The following MAGI1 variants were observed in gnomAD, a reference collection of about 807,000 sequenced individuals.
MAGI1 encodes membrane associated guanylate kinase, WW and PDZ domain containing 1, also known as membrane-associated guanylate kinase, WW and PDZ domain-containing protein 1.
MAGI1 carries 58 observed loss-of-function variants against 139.9 expected under a neutral mutation model. The observed-to-expected ratio is 0.41, with a 90% CI of 0.34 to 0.52. The LOEUF is 0.52. MAGI1 is among the 20% of genes least tolerant of loss of function. The probability of loss-of-function intolerance (pLI) is 0.12; values close to 1 mark genes in which losing one functional copy is unlikely to be tolerated. For synonymous variants in MAGI1, 812 were observed against 737.9 expected (o/e 1.10, Z -1.63); for missense variants, 1,874 against 1,901.6 (o/e 0.99, Z 0.27).
intron 2 of MAGI1, among the ~76,000 whole-genome samples, chr3:65,542,359 G>A (rs1370354009): frequency 6.6e-6 from 1 of 152,102 alleles, no homozygotes; most frequent in Admixed American, 6.6e-5. Flanking sequence ...GTAAGTTTTA[G>A]ATTCAATGCT....
chr3:65,936,310 C>T (rs6794824), intron 1 of MAGI1, among the ~76,000 whole-genome samples: 73,309 of 151,920 alleles, frequency 0.48, 19,098 homozygotes, highest in East Asian at 0.8. Flanking sequence ...AATTCCTAAG[C>T]GTAACCCACA....
rs574472858 is a variant in MAGI1, at chr3:65,418,004, C to T, written c.2167+11516G>A. 3.3e-5 allele frequency among the ~76,000 whole-genome samples: 5 copies of T among 152,152 alleles called. No homozygotes were observed. The South Asian group carries it at 1.0e-3, about 32-fold the overall frequency. ...GTCTGGAGATGTTTTTGACTGTCAC[C>T]GTTGGAGAAAGGGGGCAGGTATGTG... is the stretch of plus-strand genomic sequence containing the variant. On this transcript the variant is annotated intron_variant, in intron 12 of 22. Coordinates refer to ENST00000402939, the MANE Select transcript of MAGI1 (RefSeq NM_001033057.2).
At chr3:65,631,592 A>C (rs2084306335) in intron 1 of MAGI1, among the ~76,000 whole-genome samples, 1 of 152,226 alleles carries the variant, frequency 6.6e-6, no homozygotes. Flanking sequence ...AAAGCACAAA[A>C]AATGTTTAAG....
At chr3:65,381,742 T>C (rs1216517368) in intron 16 of MAGI1, 135 bp downstream of exon 16, 9 of 794,926 alleles carry the variant, frequency 1.1e-5, no homozygotes, top group African/African-American at 5.2e-5. Flanking sequence ...AAGCAAGCCA[T>C]CTGGAAATTC....
intron 1 of MAGI1, among the ~76,000 whole-genome samples, chr3:65,997,950 G>C (rs2066542386): frequency 6.6e-6 from 1 of 151,770 alleles, no homozygotes; most frequent in Non-Finnish European, 1.5e-5. Context: ...CTTGAGGTCA[G>C]GAGTTCAAGA....
intron 2 of MAGI1, among the ~76,000 whole-genome samples, chr3:65,507,588 C>T (rs1006909820): frequency 2.0e-5 from 3 of 152,162 alleles, no homozygotes; most frequent in Non-Finnish European, 4.4e-5. Context: ...GCTTTGATTC[C>T]CAGCCCCTTC....
chr3:65,930,916 C>T (rs900007417), intron 1 of MAGI1, among the ~76,000 whole-genome samples: 3 of 152,172 alleles, frequency 2.0e-5, no homozygotes, highest in Non-Finnish European at 4.4e-5. Flanking sequence ...TCCTGGAAAA[C>T]TCATGAATAA....
rs559953093 is a variant in MAGI1, at chr3:65,700,167, G to A, written c.314-78079C>T. Among the ~76,000 whole-genome samples the A allele has an allele frequency of 6.6e-5, 10 of 152,278 alleles. No individual in the cohort carries two copies. In the South Asian group the frequency reaches 1.7e-3, roughly 25 times the overall value. Reference sequence around the variant, plus strand: ...CCTCTAAAGAATCAATAGCAGGCTGGGCGCGGTGACTCACGTCTGTAATTC... The same window carrying A: ...CCTCTAAAGAATCAATAGCAGGCTGAGCGCGGTGACTCACGTCTGTAATTC... On this transcript the variant is annotated intron_variant, in intron 1 of 22. Coordinates refer to ENST00000402939, the MANE Select transcript of MAGI1 (RefSeq NM_001033057.2).
chr3:65,816,699 C>G (rs2041627341), intron 1 of MAGI1, among the ~76,000 whole-genome samples: 1 of 151,790 alleles, frequency 6.6e-6, no homozygotes, highest in Admixed American at 6.6e-5. Flanking sequence ...GCTAAATACT[C>G]TTTAAGGACA....
chr3:65,493,734 C>A (rs1324518908), intron 2 of MAGI1, 103 bp from the exon 3 acceptor site: 2 of 1,337,354 alleles, frequency 1.5e-6, no homozygotes, highest in African/African-American at 1.4e-5. Context: ...AGAGGGCGTA[C>A]CTAAGACTCT....
intron 1 of MAGI1, among the ~76,000 whole-genome samples, chr3:65,914,806 C>CTG (rs1465192090): frequency 5.3e-5 from 8 of 152,198 alleles, no homozygotes; most frequent in Admixed American, 2.6e-4. Flanking sequence ...GGTTTCAGCA[C>CTG]TGTACAACAG....
At chr3:65,374,760 T>C (rs930642771) in intron 18 of MAGI1, among the ~76,000 whole-genome samples, 1 of 152,234 alleles carries the variant, frequency 6.6e-6, no homozygotes, top group African/African-American at 2.4e-5. Flanking sequence ...TCACACCCAC[T>C]GCAGACAATG....
At chr3:65,417,053 T>G (rs1407242397) in intron 12 of MAGI1, among the ~76,000 whole-genome samples, 2 of 152,100 alleles carry the variant, frequency 1.3e-5, no homozygotes, top group Admixed American at 1.3e-4. Context: ...CTGTCTCAGA[T>G]AACGGTTTCG....
At chr3:65,755,738 T>TA (rs998933950) in intron 1 of MAGI1, among the ~76,000 whole-genome samples, 2 of 152,112 alleles carry the variant, frequency 1.3e-5, no homozygotes, top group African/African-American at 4.8e-5. Context: ...TGAGTAAGCC[T>TA]AAAAAAAATT....
At chr3:65,592,246 T>C (rs2082001486) in intron 2 of MAGI1, among the ~76,000 whole-genome samples, 1 of 152,184 alleles carries the variant, frequency 6.6e-6, no homozygotes, top group Non-Finnish European at 1.5e-5. Context: ...GTTCCAATTA[T>C]TATTAGAAAG....
chr3:65,454,108 G>A (rs554388157), intron 5 of MAGI1, among the ~76,000 whole-genome samples: 1 of 152,148 alleles, frequency 6.6e-6, no homozygotes, highest in South Asian at 2.1e-4. Flanking sequence ...ATGGTTGGAA[G>A]CATTCAGCTT....
At chr3:65,794,526 T>C (rs777241791) in intron 1 of MAGI1, among the ~76,000 whole-genome samples, 14 of 151,992 alleles carry the variant, frequency 9.2e-5, no homozygotes, top group Non-Finnish European at 1.5e-4. Context: ...AGTGAGGTGA[T>C]AGTCACAGAA....
intron 1 of MAGI1, among the ~76,000 whole-genome samples, chr3:65,626,520 C>A (rs1027483374): frequency 6.6e-6 from 1 of 151,918 alleles, no homozygotes; most frequent in African/African-American, 2.4e-5. Flanking sequence ...TACAGGTTCT[C>A]ACTATGTTGC....
At chr3:65,620,394 A>C (rs558986130) in intron 2 of MAGI1, among the ~76,000 whole-genome samples, 20 of 152,288 alleles carry the variant, frequency 1.3e-4, no homozygotes, top group African/African-American at 4.8e-4. Context: ...TGGGTGTTAA[A>C]GACCCCCAAC....
Sources: gnomAD v4.1 joint callset for allele counts (sites outside exome capture counted in the v4.1 genomes callset) on GRCh38, gnomAD v4.1.1 for gene constraint, MANE v1.5 for transcripts, NCBI Gene and HGNC (gene_info 2026-07-23, HGNC 2026-07-21) for gene names.